Variants in SMARCA2 observed in about 807,000 individuals in gnomAD.
SMARCA2 encodes the protein SWI/SNF-related matrix-associated actin-dependent regulator of chromatin subfamily A member 2.
In SMARCA2, 61 loss-of-function variants were observed where a neutral mutation model predicts 199.8. That is an observed-to-expected ratio of 0.31 (90% CI 0.25 to 0.38). The LOEUF (loss-of-function observed/expected upper bound fraction) is 0.38. Among genes scored for constraint, SMARCA2 ranks in the 10% least tolerant of loss-of-function variants. SMARCA2 has a pLI of 1.00. For missense variants in SMARCA2, 1,344 were observed against 2,012.2 expected (o/e 0.67, Z 6.35); for synonymous variants, 935 against 732.0 (o/e 1.28, Z -4.48).
chr9:2,064,811 C>T (rs561180896), intron 9 of SMARCA2, among the ~76,000 whole-genome samples: 3 of 152,320 alleles, frequency 2.0e-5, no homozygotes, highest in East Asian at 3.9e-4. Flanking sequence ...TGAGGCATCT[C>T]TCACAGTACT....
intron 27 of SMARCA2, 78 bp downstream of exon 27, chr9:2,124,015 G>T: frequency 1.7e-6 from 2 of 1,181,940 alleles, no homozygotes; most frequent in South Asian, 2.6e-5. Context: ...GCCTAGAGCT[G>T]GGATTTTCTG....
chr9:2,043,127 A>T (rs1586639758), intron 4 of SMARCA2: 3 of 152,134 alleles, frequency 2.0e-5, no homozygotes, highest in Admixed American at 2.0e-4. Flanking sequence ...ATATTTCAGG[A>T]TATTATTCAC....
chr9:2,073,542 C>G, intron 11 of SMARCA2, 24 bp from the exon 12 acceptor site: 1 of 1,598,590 alleles, frequency 6.3e-7, no homozygotes, highest in Non-Finnish European at 8.6e-7. Context: ...AAGCCCCCTC[C>G]TCTTCCTCAC....
intron 19 of SMARCA2, among the ~76,000 whole-genome samples, chr9:2,092,742 C>T (rs904098159): frequency 9.2e-5 from 14 of 152,158 alleles, no homozygotes; most frequent in African/African-American, 3.4e-4. Flanking sequence ...CTCAGTTTTA[C>T]ATATGATTTA....
intron 27 of SMARCA2, among the ~76,000 whole-genome samples, chr9:2,151,782 G>C (rs1825094007): frequency 6.6e-6 from 1 of 151,224 alleles, no homozygotes; most frequent in African/African-American, 2.5e-5. Flanking sequence ...CACTGAAAAT[G>C]TCCAATGAAT....
rs142526914 is a variant in SMARCA2 at position 2,172,703 on chromosome 9, C to G, written c.4253+2231C>G. On this transcript the variant is annotated intron_variant, in intron 29 of 33. Transcript: ENST00000349721. Reference sequence around the variant, plus strand: ...CCTGTAGTCATCGCAGTGACTGTTACGAGCACTGTTTCAAGGAGGCCAACG... The same window carrying G: ...CCTGTAGTCATCGCAGTGACTGTTAGGAGCACTGTTTCAAGGAGGCCAACG... Among the ~76,000 whole-genome samples the G allele has an allele frequency of 5.6e-3, 847 of 152,156 alleles. 4 individuals are homozygous for G. The highest frequency in any genetic ancestry group is 0.011 in the South Asian group (51 of 4,824).
intron 27 of SMARCA2, among the ~76,000 whole-genome samples, chr9:2,139,920 A>G (rs1824385060): frequency 1.3e-5 from 2 of 152,208 alleles, no homozygotes; most frequent in South Asian, 2.1e-4. Context: ...GGCTATTATC[A>G]TCCTTGCATG....
intron 27 of SMARCA2, among the ~76,000 whole-genome samples, chr9:2,147,720 A>G (rs1824838087): frequency 6.8e-6 from 1 of 147,782 alleles, no homozygotes. Flanking sequence ...GTGGGCGGGC[A>G]CTTGTAATCC....
chr9:2,141,066 C>G (rs939241419), intron 27 of SMARCA2, among the ~76,000 whole-genome samples: 4 of 152,134 alleles, frequency 2.6e-5, no homozygotes, highest in South Asian at 2.1e-4. Flanking sequence ...TCAATGCTTT[C>G]TTACTGCCAC....
At chr9:2,022,289 A>G (rs1293640120) in intron 1 of SMARCA2, among the ~76,000 whole-genome samples, 3 of 152,210 alleles carry the variant, frequency 2.0e-5, no homozygotes, top group Non-Finnish European at 4.4e-5. Context: ...GCGAGCATAT[A>G]GTAGCTCACA....
At chr9:2,048,242 G>A (rs181316011) in intron 5 of SMARCA2, among the ~76,000 whole-genome samples, 74 of 152,238 alleles carry the variant, frequency 4.9e-4, no homozygotes, top group African/African-American at 1.8e-3. Context: ...AACCCAAAAG[G>A]GAGTCCGGCA....
intron 9 of SMARCA2, among the ~76,000 whole-genome samples, chr9:2,061,505 A>G (rs914078997): frequency 1.3e-5 from 2 of 152,210 alleles, no homozygotes; most frequent in African/African-American, 4.8e-5. Flanking sequence ...TTAGGTAATT[A>G]CATAAAAAAA....
intron 9 of SMARCA2, 99 bp from the exon 10 acceptor site, chr9:2,070,319 G>A: frequency 2.2e-6 from 2 of 904,536 alleles, no homozygotes; most frequent in South Asian, 2.8e-5. Flanking sequence ...GATAATAATG[G>A]GGTAACAATG....
intron 29 of SMARCA2, among the ~76,000 whole-genome samples, chr9:2,171,035 C>T (rs780247350): frequency 2.0e-5 from 3 of 152,130 alleles, no homozygotes; most frequent in Non-Finnish European, 2.9e-5. Flanking sequence ...TGTGTGTAGT[C>T]CCAAGCATCT....
intron 2 of SMARCA2, 54 bp downstream of exon 2, chr9:2,029,301 A>G: frequency 6.4e-7 from 1 of 1,559,670 alleles, no homozygotes; most frequent in Non-Finnish European, 8.7e-7. Flanking sequence ...GATGGCTAAT[A>G]TTTCTGATAA....
intron 31 of SMARCA2, among the ~76,000 whole-genome samples, 162 bp from the exon 32 acceptor site, chr9:2,185,934 G>T (rs1374232399): frequency 6.6e-6 from 1 of 152,154 alleles, no homozygotes. Context: ...GTCTGTATTT[G>T]GGCTTGGCGT....
chr9:2,070,555 T>C lies in SMARCA2; in HGVS notation c.1746+84T>C, dbSNP rs1821046325. ...GCAGCACCATTCTTCATGCATACTATTTTATTCTTACTGTGCTATTTATTT... is the reference window on the plus strand; with the variant it reads ...GCAGCACCATTCTTCATGCATACTACTTTATTCTTACTGTGCTATTTATTT... On this transcript the variant is annotated intron_variant, in intron 10 of 33. Transcript: ENST00000349721. The C allele has an allele frequency of 3.2e-6, 3 of 940,744 alleles. No individual in the cohort carries two copies. The Admixed American group carries it at 5.9e-5, about 19-fold the overall frequency. The allele number at this position is 940,744 out of a possible 1,614,324, so 58.3% of individuals were successfully genotyped here.
chr9:2,188,381 A>T (rs771437340), intron 32 of SMARCA2, among the ~76,000 whole-genome samples: 2 of 151,882 alleles, frequency 1.3e-5, no homozygotes, highest in African/African-American at 2.4e-5. Flanking sequence ...TGCCCTCAAC[A>T]TACATAAGCG....
intron 5 of SMARCA2, among the ~76,000 whole-genome samples, chr9:2,049,112 A>G (rs1027875801): frequency 4.6e-5 from 7 of 152,286 alleles, no homozygotes; most frequent in South Asian, 4.1e-4. Context: ...CCTTTGTTAA[A>G]CTATGTGAAC....
Sources: allele counts gnomAD v4.1 joint callset (sites outside exome capture counted in the v4.1 genomes callset), GRCh38; gene constraint gnomAD v4.1.1; transcripts MANE v1.5; gene names NCBI Gene and HGNC (gene_info 2026-07-23, HGNC 2026-07-21).